ADCY10: variants seen among roughly 807,000 people sequenced by gnomAD.
ADCY10 encodes adenylate cyclase type 10.
ADCY10 carries 156 observed loss-of-function variants against 183.3 expected under a neutral mutation model. The ratio of observed to expected loss-of-function variants is 0.85; its 90% CI spans 0.75 to 0.97. The LOEUF is 0.97. ADCY10 is among the 50% of genes least tolerant of loss of function. The pLI is 0.00. For missense variants in ADCY10, 1,745 were observed against 1,934.3 expected (o/e 0.90, Z 1.84); for synonymous variants, 645 against 670.0 (o/e 0.96, Z 0.58).
chr1:167,833,979 G>A lies in ADCY10; in HGVS notation c.3408C>T (p.Leu1136=), dbSNP rs1449898076. The A allele has an allele frequency of 6.2e-7, 1 of 1,613,442 alleles. No homozygotes were observed. Among genetic ancestry groups the A allele is most frequent in the East Asian group, 2.2e-5 (1 of 44,880 alleles). Reference sequence around the variant, plus strand: ...TTTAATGGTTTCTTACCTCACCTTTGAGGCTGTAAAAGGTGGCAGACTCAA... The same window carrying A: ...TTTAATGGTTTCTTACCTCACCTTTAAGGCTGTAAAAGGTGGCAGACTCAA... ...QTFESATFYS[L]KGEVCFNMGQ... Residue 1136 remains leucine, a synonymous_variant, in exon 24 of 33, where the codon CTC becomes CTT. Coordinates refer to ENST00000367851, the MANE Select transcript of ADCY10 (RefSeq NM_018417.6).
rs200922653 is a variant in ADCY10 at position 167,856,311 on chromosome 1, G to C, written c.2025C>G (p.Phe675Leu). The change falls in exon 17 of 33, where the codon TTC (phenylalanine) becomes TTG (leucine). Residue 675 changes from phenylalanine to leucine, a missense_variant. Phe to Leu is a conservative substitution (Grantham distance 22). Transcript: ENST00000367851. Reference protein sequence around the residue: ...PIFIIMSLCPFVNIPCAAARA... With the variant: ...PIFIIMSLCPLVNIPCAAARA... ...TGGCAGCTGCACAGGGAATGTTAAC[G>C]AAGGGACACAGGGACATAATGATGA... 6.2e-7 allele frequency: 1 copy of C among 1,614,090 alleles called. No homozygotes were observed. Among genetic ancestry groups the C allele is most frequent in the East Asian group, 2.2e-5 (1 of 44,892 alleles).
intron 25 of ADCY10, among the ~76,000 whole-genome samples, chr1:167,831,212 C>T (rs934877799): frequency 3.3e-5 from 5 of 150,728 alleles, no homozygotes; most frequent in South Asian, 2.1e-4. Context: ...TTTTTTGAGA[C>T]GGAGTCTCGC....
intron 21 of ADCY10, among the ~76,000 whole-genome samples, chr1:167,839,757 T>C (rs1664477234): frequency 6.6e-6 from 1 of 152,222 alleles, no homozygotes; most frequent in African/African-American, 2.4e-5. Flanking sequence ...TGATAATAAA[T>C]GTCTACCATT....
At chr1:167,875,318 G>T in intron 12 of ADCY10, 132 bp from the exon 13 acceptor site, 1 of 857,764 alleles carries the variant, frequency 1.2e-6, no homozygotes, top group Non-Finnish European at 1.9e-6. Flanking sequence ...TGACTCACGG[G>T]TCGCAAACGC....
At chr1:167,839,784 C>T (rs982662759) in intron 21 of ADCY10, among the ~76,000 whole-genome samples, 2 of 152,056 alleles carry the variant, frequency 1.3e-5, no homozygotes, top group South Asian at 2.1e-4. Context: ...TACTATGGTC[C>T]GAATATCTAG....
intron 13 of ADCY10, among the ~76,000 whole-genome samples, chr1:167,873,470 G>A (rs203823): frequency 0.18 from 27,119 of 152,112 alleles, 4,330 homozygotes; most frequent in African/African-American, 0.43. Flanking sequence ...ACACAGTTAG[G>A]ACCAAGATTT....
chr1:167,870,441 CTCAA>C (rs757026076), intron 13 of ADCY10, 31 bp from the exon 14 acceptor site: 1 of 1,563,580 alleles, frequency 6.4e-7, no homozygotes, highest in Non-Finnish European at 8.8e-7. Context: ...AAAGAGCAAA[CTCAA>C]TCAACGTAAA....
chr1:167,869,346 T>C lies in ADCY10; in HGVS notation c.1616+911A>G, dbSNP rs182311709. 2.0e-4 allele frequency among the ~76,000 whole-genome samples: 31 copies of C among 152,298 alleles called. No individual in the cohort carries two copies. The East Asian group carries it at 4.6e-3, about 23-fold the overall frequency. On this transcript the variant is annotated intron_variant, in intron 14 of 32. Coordinates refer to ENST00000367851, the MANE Select transcript of ADCY10 (RefSeq NM_018417.6). Reference sequence around the variant, plus strand: ...TGTACTATATGAATCACTATCAATCTATTGCACAAGAAGGCATAAGTGGCA... The same window carrying C: ...TGTACTATATGAATCACTATCAATCCATTGCACAAGAAGGCATAAGTGGCA...
chr1:167,902,114 T>C, intron 3 of ADCY10, 60 bp from the exon 4 acceptor site: 1 of 1,491,792 alleles, frequency 6.7e-7, no homozygotes, highest in Non-Finnish European at 9.3e-7. Flanking sequence ...TAAAAAAACA[T>C]CATTCTTTCT....
chr1:167,878,547 G>T lies in ADCY10; in HGVS notation c.1305C>A (p.Ser435Arg). 1 of 1,614,120 alleles carries T rather than the reference G, an allele frequency of 6.2e-7. No individual in the cohort carries two copies. The highest frequency in any genetic ancestry group is 8.5e-7 in the Non-Finnish European group (1 of 1,179,998). ...CTTTAAAAAAGTACGCTGGTAGGTT[G>T]CTCCCATTGTAGGTGACAGAGTCGC... ...VTCDSVTYNG[S>R]NLPAYFFKEL... is the part of the protein sequence containing the mutation. The change falls in exon 12 of 33, where the codon AGC becomes AGA. Residue 435 changes from serine to arginine, a missense_variant. Physicochemically the swap from Ser to Arg is moderately radical, Grantham distance 110 (BLOSUM62 -1). Transcript: ENST00000367851.
intron 18 of ADCY10, among the ~76,000 whole-genome samples, chr1:167,851,096 C>T (rs915893488): frequency 3.3e-5 from 5 of 152,138 alleles, no homozygotes; most frequent in African/African-American, 1.2e-4. Context: ...TTTTCTGAAG[C>T]ATTTGAATAT....
At chr1:167,904,648 A>T in intron 2 of ADCY10, 2 of 583,292 alleles carry the variant, frequency 3.4e-6, no homozygotes, top group Non-Finnish European at 6.1e-6. Context: ...TGTAAACATC[A>T]TCTAGGGAGA....
chr1:167,819,697 G>C (rs1662762660), intron 30 of ADCY10, among the ~76,000 whole-genome samples: 1 of 152,026 alleles, frequency 6.6e-6, no homozygotes, highest in Admixed American at 6.6e-5. Flanking sequence ...CAGGTAGCTG[G>C]GTTTACAGGC....
In ADCY10 at chr1:167,854,402, T is replaced by A; in HGVS notation, c.2259A>T (p.Gln753His). The A allele has an allele frequency of 6.2e-7, 1 of 1,614,198 alleles. No individual in the cohort carries two copies. The highest frequency in any genetic ancestry group is 8.5e-7 in the Non-Finnish European group (1 of 1,180,022). ...TTGTCTTTTCCTCAGACTCCGTTTGTTGGAAAACGAGTACCTCATGATGTT... is the reference window on the plus strand; with the variant it reads ...TTGTCTTTTCCTCAGACTCCGTTTGATGGAAAACGAGTACCTCATGATGTT... ...NLEHHEVLVFQQTESEEKTNR... is the reference protein window; with the variant it reads ...NLEHHEVLVFHQTESEEKTNR... The change falls in exon 18 of 33, where the codon CAA becomes CAT. Residue 753 changes from glutamine to histidine, a missense_variant. Physicochemically the swap from Gln to His is conservative, Grantham distance 24. Coordinates refer to ENST00000367851, the MANE Select transcript of ADCY10 (RefSeq NM_018417.6).
At chr1:167,876,228 T>C (rs1237540332) in intron 12 of ADCY10, among the ~76,000 whole-genome samples, 1 of 141,864 alleles carries the variant, frequency 7.0e-6, no homozygotes, top group East Asian at 2.1e-4. Flanking sequence ...TTGCATTCCA[T>C]CCTGGGCAAC....
chr1:167,848,556 T>C (rs1665232370), intron 18 of ADCY10, 67 bp from the exon 19 acceptor site: 1 of 1,592,792 alleles, frequency 6.3e-7, no homozygotes, highest in East Asian at 2.2e-5. Flanking sequence ...GATTTTCCAA[T>C]GAACTTTGAG....
chr1:167,913,563 A>G (rs916463201), intron 1 of ADCY10, among the ~76,000 whole-genome samples: 8 of 152,110 alleles, frequency 5.3e-5, no homozygotes, highest in African/African-American at 9.7e-5. Context: ...TTATCTTTTG[A>G]ATTGCTTCTA....
At chr1:167,903,129 G>A (rs895525304) in intron 3 of ADCY10, among the ~76,000 whole-genome samples, 2 of 151,894 alleles carry the variant, frequency 1.3e-5, no homozygotes, top group East Asian at 1.9e-4. Context: ...GGTGGCGCAC[G>A]CCTGTAACCC....
intron 13 of ADCY10, among the ~76,000 whole-genome samples, chr1:167,874,105 GTGGATCACT>G (rs1351698933): frequency 6.6e-6 from 1 of 152,194 alleles, no homozygotes; most frequent in East Asian, 1.9e-4. Context: ...GCTGGGGCAA[GTGGATCACT>G]TGAAGTTAGG....
Sources: allele counts gnomAD v4.1 joint callset (sites outside exome capture counted in the v4.1 genomes callset), GRCh38; gene constraint gnomAD v4.1.1; transcripts MANE v1.5; gene names NCBI Gene and HGNC (gene_info 2026-07-23, HGNC 2026-07-21).